Variants in MDN1 observed in about 807,000 individuals in gnomAD.
MDN1 encodes the protein midasin AAA ATPase 1.
In MDN1, 266 loss-of-function variants were observed where a neutral mutation model predicts 669.2. That is an observed-to-expected ratio of 0.40 (90% CI 0.36 to 0.44). The LOEUF (loss-of-function observed/expected upper bound fraction) is 0.44. MDN1 is among the 20% of genes least tolerant of loss of function. The probability of loss-of-function intolerance (pLI) is 1.00; values close to 1 mark genes in which losing one functional copy is unlikely to be tolerated. For missense variants in MDN1, 5,940 were observed against 6,754.0 expected, an observed-to-expected ratio of 0.88 and a Z score of 4.22; for synonymous variants, 2,385 against 2,457.1, an observed-to-expected ratio of 0.97 and a Z score of 0.87.
At chr6:89,712,512 C>T in intron 48 of MDN1, 63 bp downstream of exon 48, 5 of 1,495,338 alleles carry the variant, frequency 3.3e-6, no homozygotes, top group Non-Finnish European at 4.7e-6. Flanking sequence ...GTGTCCTGAC[C>T]ATTTCCAGCA....
rs765567151 is a variant in MDN1, at chr6:89,710,767, C to A, written c.7679G>T (p.Ser2560Ile). ...LESIQIHLEA[S>I]AASLRNFYSH... ...GTAAAAATTCCTGAGAGATGCAGCA[C>A]TGGCTTCCAAATGAATTTGTATGGA... The change falls in exon 50 of 102, where the codon AGT becomes ATT. Residue 2560 changes from serine (S) to isoleucine (I), a missense_variant. Physicochemically the swap from Ser to Ile is moderately radical, Grantham distance 142 (BLOSUM62 -2). Around this residue, in one of 5 missense-constraint regions of MDN1, gnomAD observed 2,292 missense variants for 2,638.3 expected, o/e 0.87. Coordinates refer to ENST00000369393, the MANE Select transcript of MDN1 (RefSeq NM_014611.3). The A allele has an allele frequency of 1.2e-6, 2 of 1,604,194 alleles. No individual in the cohort carries two copies. The highest frequency in any genetic ancestry group is 4.5e-5 in the East Asian group (2 of 44,246).
Position 89,680,704 on chromosome 6 carries a change from T to G in MDN1, c.12150A>C (p.Glu4050Asp), listed in dbSNP as rs760212861. ...TTGGCAAGCGACGCAGAAGCTCCCC[T>G]TCCAAGCCGGAAGGAGCAGCGCCCT... ...WCQGAAPSGL[E>D]GELLRRLPKL... Residue 4050 changes from glutamate (E) to aspartate (D), a missense_variant, in exon 74 of 102, where the codon GAA (glutamate) becomes GAC (aspartate). Glu to Asp is a conservative substitution (Grantham distance 45, BLOSUM62 2). Around this residue, in one of 5 missense-constraint regions of MDN1, gnomAD observed 2,280 missense variants for 2,576.3 expected, o/e 0.88. Transcript: ENST00000369393. 1.9e-6 allele frequency: 3 copies of G among 1,614,036 alleles called. No homozygotes were observed. In the East Asian group the frequency reaches 6.7e-5, roughly 36 times the overall value.
rs1346871710 is a variant in MDN1, at chr6:89,646,566, T to C, written c.16433A>G (p.Gln5478Arg). The C allele has an allele frequency of 2.5e-6, 4 of 1,614,092 alleles. No individual in the cohort carries two copies. The highest frequency in any genetic ancestry group is 3.4e-6 in the Non-Finnish European group (4 of 1,180,026). ...ESVANMFAAA[Q>R]QLSQNISSET... ...TGAACTGATGTTCTGCGAGAGCTGC[T>C]GAGCAGCTGCAAACATGTTGGCAAC... The change falls in exon 100 of 102, where the codon CAG becomes CGG. Residue 5478 changes from glutamine (Q) to arginine (R), a missense_variant. Physicochemically the swap from Gln to Arg is conservative, Grantham distance 43. This residue lies in a region of MDN1 where 2,280 missense variants were observed against 2,576.3 expected (regional missense o/e 0.88). Transcript: ENST00000369393.
At chr6:89,677,539 T>C in intron 76 of MDN1, 31 bp downstream of exon 76, 11 of 1,611,352 alleles carry the variant, frequency 6.8e-6, no homozygotes, top group Non-Finnish European at 8.5e-6. Flanking sequence ...CATTTATAAG[T>C]AGGGAAAAAA....
chr6:89,732,507 A>G, intron 34 of MDN1, 50 bp downstream of exon 34: 1 of 1,528,836 alleles, frequency 6.5e-7, no homozygotes. Context: ...TCCTTTTCCT[A>G]TGCCCCTCTA....
intron 67 of MDN1, among the ~76,000 whole-genome samples, chr6:89,687,832 T>C (rs1216308247): frequency 1.3e-5 from 2 of 152,152 alleles, no homozygotes; most frequent in Admixed American, 6.5e-5. Context: ...CCTGGAAGGC[T>C]GGGAGGAGTG....
chr6:89,686,518 T>C (rs1415445450), intron 69 of MDN1, among the ~76,000 whole-genome samples: 1 of 151,994 alleles, frequency 6.6e-6, no homozygotes, highest in Non-Finnish European at 1.5e-5. Context: ...ATTATGAAAA[T>C]GAATTATAAG....
At chr6:89,696,951 G>C (rs1812798375) in intron 59 of MDN1, among the ~76,000 whole-genome samples, 1 of 152,190 alleles carries the variant, frequency 6.6e-6, no homozygotes, top group African/African-American at 2.4e-5. Context: ...GTGCTCCTTA[G>C]ACTGTTAGAT....
At chr6:89,663,028 A>T (rs1161903946) in intron 85 of MDN1, 61 bp from the exon 86 acceptor site, 1 of 1,595,204 alleles carries the variant, frequency 6.3e-7, no homozygotes, top group Non-Finnish European at 8.6e-7. Context: ...TGTGTATTTA[A>T]GAGAGGTGTG....
Position 89,655,940 on chromosome 6 carries a change from T to A in MDN1, c.15314A>T (p.Asp5105Val), listed in dbSNP as rs201557942. 1 of 1,614,046 alleles carries A rather than the reference T, an allele frequency of 6.2e-7. No individual in the cohort carries two copies. The highest frequency in any genetic ancestry group is 2.2e-5 in the East Asian group (1 of 44,882). The change falls in exon 92 of 102, where the codon GAC (aspartate) becomes GTC (valine). Residue 5105 changes from aspartate (D) to valine (V), a missense_variant. Physicochemically the swap from Asp to Val is radical, Grantham distance 152 (BLOSUM62 -3). Around this residue, in one of 5 missense-constraint regions of MDN1, gnomAD observed 2,280 missense variants for 2,576.3 expected, o/e 0.88. Coordinates refer to ENST00000369393, the MANE Select transcript of MDN1 (RefSeq NM_014611.3). Reference protein sequence around the residue: ...QSFKRKPGQADNERSMGDHNE... With the variant: ...QSFKRKPGQAVNERSMGDHNE... ...GTGATCACCCATGGAACGTTCATTG[T>A]CAGCCTGCCCAGGTTTCCTCTTAAA...
chr6:89,750,564 A>C, intron 23 of MDN1, 32 bp from the exon 24 acceptor site: 1 of 1,571,254 alleles, frequency 6.4e-7, no homozygotes, highest in South Asian at 1.1e-5. Flanking sequence ...AGCAACTTAA[A>C]ACAACAAAAA....
chr6:89,656,872 T>C, intron 90 of MDN1, 71 bp from the exon 91 acceptor site: 1 of 1,246,692 alleles, frequency 8.0e-7, no homozygotes, highest in Non-Finnish European at 1.2e-6. Flanking sequence ...TGTGCTGCAT[T>C]GAATACAACT....
intron 99 of MDN1, among the ~76,000 whole-genome samples, chr6:89,647,040 A>G (rs976917304): frequency 2.0e-5 from 3 of 152,072 alleles, no homozygotes; most frequent in African/African-American, 7.2e-5. Flanking sequence ...TCACACCTCA[A>G]CCTCCCAAAG....
At chr6:89,743,321 C>T in intron 30 of MDN1, 41 bp from the exon 31 acceptor site, 1 of 1,611,610 alleles carries the variant, frequency 6.2e-7, no homozygotes. Flanking sequence ...GGGCAGGTGG[C>T]TCCACAGACA....
Position 89,695,725 on chromosome 6 carries a change from T to A in MDN1, c.9651A>T (p.Pro3217=). ...TCACCCAGAGGCTCCCACGCTGGGC[T>A]GGCTCAGGCAGGCTCCTCTTACTCT... The part of the protein sequence containing the change: ...EGESKRSLPE[P]AQRGSLWVSL... Residue 3217 remains proline, a synonymous_variant, in exon 61 of 102, where the codon CCA becomes CCT. Transcript: ENST00000369393. The surrounding 1 kb of genome is among the most constrained non-coding windows in gnomAD (Gnocchi z 4.1). The A allele has an allele frequency of 6.2e-7, 1 of 1,613,748 alleles. No homozygotes were observed. The highest frequency in any genetic ancestry group is 1.1e-5 in the South Asian group (1 of 91,080).
In MDN1 at chr6:89,715,732, G is replaced by C. The variant is rs1352278350; in HGVS notation, c.6781C>G (p.Pro2261Ala). 1.2e-6 allele frequency: 2 copies of C among 1,613,786 alleles called. No homozygotes were observed. Among genetic ancestry groups the C allele is most frequent in the Admixed American group, 3.3e-5 (2 of 60,026 alleles). Residue 2261 changes from proline (P) to alanine (A), a missense_variant, in exon 45 of 102, where the codon CCC (proline) becomes GCC (alanine). Pro to Ala is a conservative substitution (Grantham distance 27). Coordinates refer to ENST00000369393, the MANE Select transcript of MDN1 (RefSeq NM_014611.3). Reference protein sequence around the residue: ...VLDRLNALLEPGGVLTISERG... With the variant: ...VLDRLNALLEAGGVLTISERG... ...TCACTAATAGTGAGGACACCTCCGG[G>C]TTCAAGCAAAGCATTCAAACGATCC... is the stretch of plus-strand genomic sequence containing the variant.
At chr6:89,789,046 C>A (rs537145373) in intron 7 of MDN1, among the ~76,000 whole-genome samples, 24 of 152,184 alleles carry the variant, frequency 1.6e-4, no homozygotes, top group African/African-American at 4.8e-4. Flanking sequence ...ATTGCTGGAG[C>A]CCGGGAGACG....
At chr6:89,672,752 C>A in intron 80 of MDN1, 50 bp from the exon 81 acceptor site, 2 of 1,584,792 alleles carry the variant, frequency 1.3e-6, no homozygotes, top group South Asian at 1.1e-5. Context: ...AGACACCAAT[C>A]ATTTGCTTTA....
chr6:89,648,099 C>T lies in MDN1; in HGVS notation c.16328G>A (p.Ser5443Asn), dbSNP rs767904451. The T allele has an allele frequency of 6.2e-7, 1 of 1,614,220 alleles. No individual in the cohort carries two copies. The highest frequency in any genetic ancestry group is 8.5e-7 in the Non-Finnish European group (1 of 1,180,038). ...TAGAATCTGGGACCCAGAGTAATCA[C>T]TGAACTGCTCATGAAATGGGTGTAA... ...KLLHPFHEQF[S>N]DYSGSQILRL... Residue 5443 changes from serine (S) to asparagine (N), a missense_variant, in exon 99 of 102, where the codon AGT becomes AAT. Transcript: ENST00000369393.
Sources: allele counts gnomAD v4.1 joint callset (sites outside exome capture counted in the v4.1 genomes callset), GRCh38; gene constraint gnomAD v4.1.1; regional missense constraint gnomAD v4.1.1; non-coding constraint Gnocchi (gnomAD v3.1); transcripts MANE v1.5; gene names NCBI Gene and HGNC (gene_info 2026-07-23, HGNC 2026-07-21).